SLC35E4: variants seen among roughly 807,000 people sequenced by gnomAD.
SLC35E4 encodes the protein solute carrier family 35 member E4.
A neutral mutation model predicts 19.3 loss-of-function variants in SLC35E4; 15 were observed. That is an observed-to-expected ratio of 0.78 (90% CI 0.52 to 1.20). SLC35E4 has a LOEUF of 1.20. SLC35E4 is among the 50% of genes most tolerant of loss of function. The pLI, the probability that SLC35E4 is intolerant of heterozygous loss-of-function variation, is 0.00. For synonymous variants in SLC35E4, 219 were observed against 219.9 expected (o/e 1.00, Z 0.04); for missense variants, 406 against 472.3 (o/e 0.86, Z 1.30).
intron 1 of SLC35E4, 79 bp downstream of exon 1, chr22:30,637,148 C>T: frequency 6.7e-7 from 1 of 1,494,050 alleles, no homozygotes; most frequent in Non-Finnish European, 8.9e-7. Context: ...AGGGGTATGG[C>T]TGTTGTCCCA....
downstream of SLC35E4, among the ~76,000 whole-genome samples, chr22:30,666,046 C>T (rs1381062860): frequency 6.6e-6 from 1 of 152,066 alleles, no homozygotes; most frequent in Non-Finnish European, 1.5e-5. Context: ...GGCTCATTCC[C>T]GGAAGGACAG....
chr22:30,643,878 G>T (rs893742691), intron 1 of SLC35E4, among the ~76,000 whole-genome samples: 3 of 152,228 alleles, frequency 2.0e-5, no homozygotes, highest in Non-Finnish European at 4.4e-5. Flanking sequence ...GGACAAACAG[G>T]CTGACATTTT....
intron 2 of SLC35E4, among the ~76,000 whole-genome samples, chr22:30,660,893 G>A (rs148947860): frequency 0.01 from 1,564 of 151,192 alleles, 21 homozygotes; most frequent in African/African-American, 0.034. Context: ...AGGCTGGAGT[G>A]CAATGTCCTG....
downstream of SLC35E4, among the ~76,000 whole-genome samples, chr22:30,650,363 G>A (rs1338549297): frequency 1.3e-5 from 2 of 152,024 alleles, no homozygotes; most frequent in African/African-American, 4.8e-5. Context: ...GGACATGGTG[G>A]TGGGGACCTG....
chr22:30,646,503 G>A (rs16988927), intron 1 of SLC35E4, 95 bp from the exon 2 acceptor site: 80,035 of 1,423,064 alleles, frequency 0.056, 6,580 homozygotes, highest in African/African-American at 0.39. Flanking sequence ...AGGGGTCCGG[G>A]TAGGCTTCTT....
intron 2 of SLC35E4, among the ~76,000 whole-genome samples, chr22:30,656,821 A>G (rs1286610399): frequency 6.6e-6 from 1 of 152,202 alleles, no homozygotes; most frequent in African/African-American, 2.4e-5. Flanking sequence ...AAGAGAGTTA[A>G]AAAGGAGGAA....
At chr22:30,656,102 T>C (rs2088333775) in intron 2 of SLC35E4, among the ~76,000 whole-genome samples, 1 of 151,924 alleles carries the variant, frequency 6.6e-6, no homozygotes, top group Non-Finnish European at 1.5e-5. Flanking sequence ...GCTTCCCAAG[T>C]AGCTGGGACT....
intron 1 of SLC35E4, among the ~76,000 whole-genome samples, chr22:30,645,290 C>T (rs1359119147): frequency 3.3e-5 from 5 of 151,996 alleles, no homozygotes; most frequent in African/African-American, 9.7e-5. Flanking sequence ...GCAGAGTCTT[C>T]GAAGCTGGGT....
chr22:30,647,059 G>A lies in SLC35E4; in HGVS notation c.*28G>A, dbSNP rs1255643287. The A allele has an allele frequency of 6.4e-7, 1 of 1,563,612 alleles. No homozygotes were observed. Among genetic ancestry groups the A allele is most frequent in the South Asian group, 1.2e-5 (1 of 83,366 alleles). Reference sequence around the variant, plus strand: ...CCTGGGGGATCTCAGGAGCCACCTGGGATGGCCCTGGCCTGAATCCAGCCT... The same window carrying A: ...CCTGGGGGATCTCAGGAGCCACCTGAGATGGCCCTGGCCTGAATCCAGCCT... On this transcript the variant is annotated 3_prime_UTR_variant, in exon 2 of 2. Transcript: ENST00000343605.
chr22:30,638,507 A>G (rs2087986460), intron 1 of SLC35E4, among the ~76,000 whole-genome samples: 1 of 144,942 alleles, frequency 6.9e-6, no homozygotes. Context: ...ATCTCAAAAA[A>G]AAAAAAAAAA....
intron 2 of SLC35E4, among the ~76,000 whole-genome samples, chr22:30,657,293 AC>A (rs1403666330): frequency 0.011 from 1,687 of 150,838 alleles, 17 homozygotes; most frequent in South Asian, 0.033. Flanking sequence ...ACACACACAC[AC>A]ACACACACAC....
In SLC35E4 at chr22:30,647,578, G is replaced by C. The variant is rs1217050311; in HGVS notation, c.*547G>C. On this transcript the variant is annotated 3_prime_UTR_variant, in exon 2 of 2. Coordinates refer to ENST00000343605, the MANE Select transcript of SLC35E4 (RefSeq NM_001001479.4). ...GACTCTGCACACCACTGGATGGTGG[G>C]TCCAAGCCTGGCACAGTCCCTGTGC... 6.5e-6 allele frequency: 1 copy of C among 153,534 alleles called. No homozygotes were observed. The highest frequency in any genetic ancestry group is 1.4e-5 in the Non-Finnish European group (1 of 69,094). The allele number at this position is 153,534 out of a possible 1,614,324, so 9.5% of individuals were successfully genotyped here. A position where few individuals can be genotyped will look rare whatever the true frequency, so the allele number is the denominator to read the frequency against.
At chr22:30,658,274 C>A (rs1410129384) in intron 2 of SLC35E4, among the ~76,000 whole-genome samples, 1 of 151,166 alleles carries the variant, frequency 6.6e-6, no homozygotes, top group Non-Finnish European at 1.5e-5. Flanking sequence ...TGCGGTTGCT[C>A]ATGCCTATAA....
intron 2 of SLC35E4, chr22:30,654,734 G>C (rs533729624): frequency 3.4e-6 from 1 of 291,990 alleles, no homozygotes; most frequent in Non-Finnish European, 6.7e-6. Flanking sequence ...ACCACCTTCC[G>C]GCCTGCTTAG....
intron 2 of SLC35E4, chr22:30,654,501 C>T (rs1057304042): frequency 9.2e-6 from 4 of 433,314 alleles, no homozygotes; most frequent in Non-Finnish European, 1.8e-5. Flanking sequence ...CCGTTAAACA[C>T]CTTGAGGCGG....
intron 1 of SLC35E4, among the ~76,000 whole-genome samples, chr22:30,640,615 A>G (rs1371997941): frequency 2.0e-5 from 3 of 152,134 alleles, no homozygotes; most frequent in African/African-American, 7.2e-5. Flanking sequence ...CGCAGCCTCT[A>G]TCCTCTCTCT....
downstream of SLC35E4, among the ~76,000 whole-genome samples, chr22:30,666,299 C>T (rs772265873): frequency 5.9e-5 from 9 of 152,166 alleles, no homozygotes; most frequent in Non-Finnish European, 5.9e-5. Flanking sequence ...GGTAGTGATG[C>T]GAGGAGTCAT....
At chr22:30,663,446 A>G, downstream of SLC35E4, 1 of 1,608,866 alleles carries the variant, frequency 6.2e-7, no homozygotes, top group Non-Finnish European at 8.5e-7. Flanking sequence ...CTCACAGTGG[A>G]ATCATCAAAC....
intron 1 of SLC35E4, among the ~76,000 whole-genome samples, chr22:30,644,569 A>G (rs544356870): frequency 4.6e-5 from 7 of 152,090 alleles, no homozygotes; most frequent in Non-Finnish European, 1.0e-4. Flanking sequence ...AGATGACGAA[A>G]CCCCATCTCT....
Sources: gnomAD v4.1 joint callset for allele counts (sites outside exome capture counted in the v4.1 genomes callset) on GRCh38, gnomAD v4.1.1 for gene constraint, MANE v1.5 for transcripts, NCBI Gene and HGNC (gene_info 2026-07-23, HGNC 2026-07-21) for gene names.